DOCK7: variants seen among roughly 807,000 people sequenced by gnomAD.
DOCK7 encodes dedicator of cytokinesis 7, also known as dedicator of cytokinesis protein 7.
Under a neutral mutation model 271.0 loss-of-function variants are expected in DOCK7, and 138 were observed. That is an observed-to-expected ratio of 0.51 (90% confidence interval 0.44 to 0.59). The LOEUF is 0.59. DOCK7 is among the 20% of genes least tolerant of loss of function. The pLI is 0.00. For synonymous variants in DOCK7, 823 were observed against 876.1 expected (o/e 0.94, Z 1.07); for missense variants, 2,066 against 2,592.4 (o/e 0.80, Z 4.41).
Position 62,648,430 on chromosome 1 carries a change from G to A in DOCK7, c.504C>T (p.Ser168=). 6.5e-7 allele frequency: 1 copy of A among 1,540,982 alleles called. No homozygotes were observed. Among genetic ancestry groups the A allele is most frequent in the African/African-American group, 1.4e-5 (1 of 72,166 alleles). The change falls in exon 5 of 50, where the codon AGC becomes AGT. Residue 168 remains serine (S), a synonymous_variant. Coordinates refer to ENST00000635253, the MANE Select transcript of DOCK7 (RefSeq NM_001367561.1). ...FESDEAPDGN[S]YQDDQDDLKR... ...AAAGTATTACTTGATCATCCTGGTAGCTGTTGCCATCTGGAGCTTCATCAG... is the reference window on the plus strand; with the variant it reads ...AAAGTATTACTTGATCATCCTGGTAACTGTTGCCATCTGGAGCTTCATCAG...
chr1:62,526,404 AAGAC>A (rs1485782489), intron 31 of DOCK7, among the ~76,000 whole-genome samples: 1 of 152,212 alleles, frequency 6.6e-6, no homozygotes, highest in Non-Finnish European at 1.5e-5. Flanking sequence ...CCTAATCAAA[AAGAC>A]AGATAATAAC....
intron 34 of DOCK7, among the ~76,000 whole-genome samples, chr1:62,509,306 T>C (rs1295136012): frequency 2.6e-4 from 18 of 70,048 alleles, no homozygotes; most frequent in Non-Finnish European, 4.3e-4. Flanking sequence ...GAGTGAGATC[T>C]TGTCTCAAAA....
chr1:62,542,831 G>T, intron 24 of DOCK7, 128 bp from the exon 25 acceptor site: 1 of 729,340 alleles, frequency 1.4e-6, no homozygotes, highest in Non-Finnish European at 2.3e-6. Context: ...ACCATTCAAT[G>T]ATGCACTGAA....
intron 14 of DOCK7, among the ~76,000 whole-genome samples, 162 bp downstream of exon 14, chr1:62,618,544 A>C (rs1456267498): frequency 1.3e-5 from 2 of 152,250 alleles, no homozygotes; most frequent in Non-Finnish European, 2.9e-5. Context: ...TGACACACAG[A>C]AAGCCTTAAT....
intron 43 of DOCK7, chr1:62,482,782 T>A (rs181931623): frequency 6.6e-6 from 1 of 152,346 alleles, no homozygotes; most frequent in African/African-American, 2.4e-5. Context: ...TTCCCTATGT[T>A]GTTTTCCTCT....
At chr1:62,557,582 T>C (rs1308699211) in intron 20 of DOCK7, among the ~76,000 whole-genome samples, 1 of 146,612 alleles carries the variant, frequency 6.8e-6, no homozygotes, top group Non-Finnish European at 1.5e-5. Flanking sequence ...AAATTACTGA[T>C]GTAATTTCAC....
intron 18 of DOCK7, among the ~76,000 whole-genome samples, chr1:62,572,926 A>T (rs545745659): frequency 2.5e-4 from 38 of 152,270 alleles, no homozygotes; most frequent in Middle Eastern, 3.4e-3. Flanking sequence ...ATAGATTTTT[A>T]AAAAAATAAC....
intron 1 of DOCK7, among the ~76,000 whole-genome samples, chr1:62,679,037 T>C (rs1326263599): frequency 1.3e-5 from 2 of 152,132 alleles, no homozygotes; most frequent in Non-Finnish European, 2.9e-5. Flanking sequence ...CCACAAATAT[T>C]AAAATTAATT....
chr1:62,615,492 A>G lies in DOCK7; in HGVS notation c.1682+3214T>C, dbSNP rs78419619. ...TTAACAGGTTAAAGCATTTTATATAAGTTCCTTACAAACTGTATATAAGGA... is the reference window on the plus strand; with the variant it reads ...TTAACAGGTTAAAGCATTTTATATAGGTTCCTTACAAACTGTATATAAGGA... On this transcript the variant is annotated intron_variant, in intron 14 of 49. Transcript: ENST00000635253. 4.5e-4 allele frequency among the ~76,000 whole-genome samples: 68 copies of G among 151,948 alleles called. No homozygotes were observed. The East Asian group carries it at 0.011, about 25-fold the overall frequency.
intron 13 of DOCK7, 132 bp downstream of exon 13, chr1:62,619,768 G>C (rs762144085): frequency 6.0e-6 from 3 of 503,328 alleles, no homozygotes. Flanking sequence ...AAGTGAAGAA[G>C]ACTGACAGGC....
chr1:62,583,145 GAAGT>G, intron 16 of DOCK7, 35 bp downstream of exon 16: 1 of 1,523,488 alleles, frequency 6.6e-7, no homozygotes, highest in Non-Finnish European at 9.1e-7. Context: ...ATGCCACTGA[GAAGT>G]GAGTAACTTT....
At chr1:62,521,394 A>G (rs897247034) in intron 31 of DOCK7, among the ~76,000 whole-genome samples, 2 of 152,190 alleles carry the variant, frequency 1.3e-5, no homozygotes, top group Non-Finnish European at 2.9e-5. Flanking sequence ...TTAGAAAAAG[A>G]ACATGAATGT....
At position 62,648,454 on chromosome 1, in the gene DOCK7, A is replaced by G. The variant is rs142535471; in HGVS notation, c.480T>C (p.Ser160=). The change falls in exon 5 of 50, where the codon TCT becomes TCC. Residue 160 remains serine (S), a synonymous_variant. Coordinates refer to ENST00000635253, the MANE Select transcript of DOCK7 (RefSeq NM_001367561.1). ...QKGLPKQVFE[S]DEAPDGNSYQ... is the part of the protein sequence containing the mutation. The stretch of plus-strand genomic sequence containing the variant: ...AGCTGTTGCCATCTGGAGCTTCATC[A>G]GATTCAAAAACTTGTTTTGGCAAAC... 1.2e-4 allele frequency: 184 copies of G among 1,549,872 alleles called. No homozygotes were observed. The African/African-American group carries it at 2.4e-3, about 20-fold the overall frequency.
At chr1:62,455,525 A>G in intron 49 of DOCK7, 69 bp from the exon 50 acceptor site, 1 of 1,464,298 alleles carries the variant, frequency 6.8e-7, no homozygotes, top group Non-Finnish European at 9.5e-7. Flanking sequence ...TAAATGTCTT[A>G]CATGGTTTTT....
chr1:62,610,981 T>C (rs1439480309), intron 14 of DOCK7, among the ~76,000 whole-genome samples: 2 of 152,216 alleles, frequency 1.3e-5, no homozygotes, highest in East Asian at 3.8e-4. Flanking sequence ...TACCCAATAA[T>C]GGGATTACTG....
Position 62,648,198 on chromosome 1 carries a change from T to C in DOCK7, c.640A>G (p.Thr214Ala). The change falls in exon 6 of 50, where the codon ACT becomes GCT. Residue 214 changes from threonine (T) to alanine (A), a missense_variant. By Grantham distance (58) the Thr-to-Ala change is moderately conservative. Transcript: ENST00000635253. ...TGACGGTCTATTTCTTCATTTGGAG[T>C]TCGATCAAGTAAATTGGGAAGCAAA... ...DALLPNLLDRTPNEEIDRQND... is the reference protein window; with the variant it reads ...DALLPNLLDRAPNEEIDRQND... 4.3e-6 allele frequency: 7 copies of C among 1,613,702 alleles called. No individual in the cohort carries two copies. Among genetic ancestry groups the C allele is most frequent in the Non-Finnish European group, 5.1e-6 (6 of 1,179,770 alleles).
chr1:62,551,964 T>C (rs1401183365), intron 22 of DOCK7, among the ~76,000 whole-genome samples: 1 of 151,954 alleles, frequency 6.6e-6, no homozygotes, highest in African/African-American at 2.4e-5. Flanking sequence ...TGAGTCTTAA[T>C]GTAAATCTTA....
intron 18 of DOCK7, among the ~76,000 whole-genome samples, chr1:62,569,972 CTAA>C (rs1378029645): frequency 6.6e-6 from 1 of 152,134 alleles, no homozygotes; most frequent in East Asian, 1.9e-4. Flanking sequence ...CCTTGGCCTC[CTAA>C]AGTGCTGGGA....
intron 27 of DOCK7, among the ~76,000 whole-genome samples, chr1:62,539,193 T>C (rs1041313259): frequency 6.6e-6 from 1 of 152,168 alleles, no homozygotes; most frequent in African/African-American, 2.4e-5. Context: ...TCACTCAAGA[T>C]ACAGAAGTCC....
Sources: gnomAD v4.1 joint callset for allele counts (sites outside exome capture counted in the v4.1 genomes callset) on GRCh38, gnomAD v4.1.1 for gene constraint, MANE v1.5 for transcripts, NCBI Gene and HGNC (gene_info 2026-07-23, HGNC 2026-07-21) for gene names.